Variants in RFNG observed in about 807,000 individuals in gnomAD.
RFNG encodes the protein RFNG O-fucosylpeptide 3-beta-N-acetylglucosaminyltransferase.
RFNG carries 37 observed loss-of-function variants against 29.6 expected under a neutral mutation model. The ratio of observed to expected loss-of-function variants is 1.25; its 90% CI spans 0.96 to 1.65. The LOEUF is 1.65. RFNG is among the 40% of genes most tolerant of loss of function. RFNG has a pLI of 0.00. For missense variants in RFNG, 546 were observed against 457.0 expected (o/e 1.19, Z -1.78); for synonymous variants, 276 against 197.3 (o/e 1.40, Z -3.34).
At position 82,051,273 on chromosome 17, in the gene RFNG, C is replaced by T. The variant is rs773311819; in HGVS notation, c.316+21G>A. The T allele has an allele frequency of 4.4e-6, 6 of 1,350,216 alleles. No individual in the cohort carries two copies. Among genetic ancestry groups the T allele is most frequent in the Non-Finnish European group, 4.8e-6 (5 of 1,047,764 alleles). 83.6% of individuals were successfully genotyped at this position (1,350,216 alleles called of 1,614,324 possible). A position where few individuals can be genotyped will look rare whatever the true frequency, so the allele number is the denominator to read the frequency against. Reference sequence around the variant, plus strand: ...CTCGGGGGGCAGATCCCGCGGGCGCCGGGGAGTGGGGGACACTCACCGCCC... The same window carrying T: ...CTCGGGGGGCAGATCCCGCGGGCGCTGGGGAGTGGGGGACACTCACCGCCC... On this transcript the variant is annotated intron_variant, in intron 2 of 7. Coordinates refer to ENST00000310496, the MANE Select transcript of RFNG (RefSeq NM_002917.2). This position sits in a 1 kb window ranked among gnomAD's most constrained non-coding sequence, Gnocchi z 4.1.
chr17:82,050,539 C>T lies in RFNG; in HGVS notation c.436G>A (p.Asp146Asn). 6.2e-7 allele frequency: 1 copy of T among 1,611,930 alleles called. No homozygotes were observed. The highest frequency in any genetic ancestry group is 8.5e-7 in the Non-Finnish European group (1 of 1,179,058). ...ESGRKWFCHVDDDNYVNARSL... is the reference protein window; with the variant it reads ...ESGRKWFCHVNDDNYVNARSL... ...CTGGCGTTCACATAATTGTCATCATCCACGTGGCAAAACCACCTGTGGGCG... is the reference window on the plus strand; with the variant it reads ...CTGGCGTTCACATAATTGTCATCATTCACGTGGCAAAACCACCTGTGGGCG... The change falls in exon 4 of 8, where the codon GAT becomes AAT. Residue 146 changes from aspartate to asparagine, a missense_variant. Transcript: ENST00000310496.
Position 82,050,718 on chromosome 17 carries a change from C to G in RFNG, c.363G>C (p.Gln121His). The G allele has an allele frequency of 6.2e-7, 1 of 1,613,276 alleles. No homozygotes were observed. The highest frequency in any genetic ancestry group is 8.5e-7 in the Non-Finnish European group (1 of 1,179,974). The change falls in exon 3 of 8, where the codon CAG becomes CAC. Residue 121 changes from glutamine (Q) to histidine (H), a missense_variant. By Grantham distance (24) the Gln-to-His change is conservative (BLOSUM62 0). Coordinates refer to ENST00000310496, the MANE Select transcript of RFNG (RefSeq NM_002917.2). The stretch of plus-strand genomic sequence containing the variant: ...CCACGGACATCTTGCAGCAGAGGGC[C>G]TGACGAGTGCGCACCGCCGAGCAGT... Reference protein sequence around the residue: ...NTNCSAVRTRQALCCKMSVEY... With the variant: ...NTNCSAVRTRHALCCKMSVEY...
In RFNG at chr17:82,050,386, C is replaced by T. The variant is rs1018750169; in HGVS notation, c.573+16G>A. The stretch of plus-strand genomic sequence containing the variant: ...AGGAAGGCGTCTGCTCCGATGGCGT[C>T]TGCTCCGACACTCACAGTTCTGCCA... On this transcript the variant is annotated intron_variant, in intron 4 of 7. Transcript: ENST00000310496. 2 of 1,554,910 alleles carry T rather than the reference C, an allele frequency of 1.3e-6. No individual in the cohort carries two copies. The highest frequency in any genetic ancestry group is 1.4e-5 in the African/African-American group (1 of 72,346).
rs2030543754 is a variant in RFNG, at chr17:82,051,367, C to T, written c.268-25G>A. 6.9e-7 allele frequency: 1 copy of T among 1,458,198 alleles called. No individual in the cohort carries two copies. Among genetic ancestry groups the T allele is most frequent in the Non-Finnish European group, 9.0e-7 (1 of 1,114,228 alleles). The allele number at this position is 1,458,198 out of a possible 1,614,324, so 90.3% of individuals were successfully genotyped here. A position where few individuals can be genotyped will look rare whatever the true frequency, so the allele number is the denominator to read the frequency against. ...TCTGGGGGAGAAACAATCTATGAGGCTTCTGGGGCGCTGCCCAGGCCGGAG... is the reference window on the plus strand; with the variant it reads ...TCTGGGGGAGAAACAATCTATGAGGTTTCTGGGGCGCTGCCCAGGCCGGAG... On this transcript the variant is annotated intron_variant, in intron 1 of 7. Transcript: ENST00000310496. This position sits in a 1 kb window ranked among gnomAD's most constrained non-coding sequence, Gnocchi z 4.1.
chr17:82,048,646 G>T lies in RFNG; in HGVS notation c.*80C>A. 1 of 1,137,108 alleles carries T rather than the reference G, an allele frequency of 8.8e-7. No homozygotes were observed. 70.4% of individuals were successfully genotyped at this position (1,137,108 alleles called of 1,614,324 possible). The stretch of plus-strand genomic sequence containing the variant: ...ACTGGTGTGGCCGTGGCACCTGAGG[G>T]AGCCCACTGAGCCCATAGGGGGCTC... On this transcript the variant is annotated 3_prime_UTR_variant, in exon 8 of 8. Transcript: ENST00000310496.
At position 82,049,944 on chromosome 17, in the gene RFNG, A is replaced by G. The variant is rs2030191361; in HGVS notation, c.636T>C (p.Leu212=). 1.2e-6 allele frequency: 2 copies of G among 1,612,498 alleles called. No homozygotes were observed. The highest frequency in any genetic ancestry group is 2.7e-5 in the African/African-American group (2 of 74,932). The change falls in exon 5 of 8, where the codon CTT becomes CTC. Residue 212 remains leucine, a synonymous_variant. Coordinates refer to ENST00000310496, the MANE Select transcript of RFNG (RefSeq NM_002917.2). ...GGAGFCLSRG[L]ALKMSPWASL... ...TGGCCCATGGGCTCATCTTGAGGGC[A>G]AGGCCTCTGCTGAGGCAGAACCCGG... is the stretch of plus-strand genomic sequence containing the variant.
intron 2 of RFNG, 33 bp from the exon 3 acceptor site, chr17:82,050,797 A>G: frequency 6.2e-7 from 1 of 1,602,998 alleles, no homozygotes; most frequent in Non-Finnish European, 8.5e-7. Context: ...ACGCACGTAG[A>G]GGATGGCACT....
In RFNG at chr17:82,051,507, C is replaced by T; in HGVS notation, c.260G>A (p.Arg87His). The stretch of plus-strand genomic sequence containing the variant: ...GGTCGGGGTCCGGCGCACCTGCTGG[C>T]GGGCCCGGGAGATCCAGGTGCGCAG... The part of the protein sequence containing the change: ...LLLRTWISRA[R>H]QQTFIFTDGD... The change falls in exon 1 of 8, where the codon CGC (arginine) becomes CAC (histidine). Residue 87 changes from arginine (R) to histidine (H), a missense_variant. Transcript: ENST00000310496. The surrounding 1 kb of genome is among the most constrained non-coding windows in gnomAD (Gnocchi z 4.1). 1.4e-6 allele frequency: 2 copies of T among 1,383,638 alleles called. No homozygotes were observed. Among genetic ancestry groups the T allele is most frequent in the Non-Finnish European group, 1.9e-6 (2 of 1,065,028 alleles). 85.7% of individuals were successfully genotyped at this position (1,383,638 alleles called of 1,614,324 possible). A position where few individuals can be genotyped will look rare whatever the true frequency, so the allele number is the denominator to read the frequency against.
chr17:82,051,204 GCA>G lies in RFNG; in HGVS notation c.316+88_316+89del. Reference sequence around the variant, plus strand: ...GCCTCGGGAGCCTGGGCAGAGAAAGGCACCCACAGCAGCGAAGGGGCCGTGGC... The same window carrying G: ...GCCTCGGGAGCCTGGGCAGAGAAAGGCCCACAGCAGCGAAGGGGCCGTGGC... On this transcript the variant is annotated intron_variant, in intron 2 of 7. Coordinates refer to ENST00000310496, the MANE Select transcript of RFNG (RefSeq NM_002917.2). This position sits in a 1 kb window ranked among gnomAD's most constrained non-coding sequence, Gnocchi z 4.1. 7.7e-7 allele frequency: 1 copy of G among 1,305,484 alleles called. No homozygotes were observed. The highest frequency in any genetic ancestry group is 9.8e-7 in the Non-Finnish European group (1 of 1,023,376). 80.9% of individuals were successfully genotyped at this position (1,305,484 alleles called of 1,614,324 possible).
chr17:82,048,796 A>G lies in RFNG; in HGVS notation c.926T>C (p.Ile309Thr). 1 of 1,612,972 alleles carries G rather than the reference A, an allele frequency of 6.2e-7. No individual in the cohort carries two copies. Among genetic ancestry groups the G allele is most frequent in the African/African-American group, 1.3e-5 (1 of 74,952 alleles). ...CGTGTCTGGGTACAGAAGACAATGG[A>G]TAGACTTAAACCTGGGGAAGGAAGA... Reference protein sequence around the residue: ...LHQDPTRFKSIHCLLYPDTDW... With the variant: ...LHQDPTRFKSTHCLLYPDTDW... Residue 309 changes from isoleucine to threonine, a missense_variant, in exon 8 of 8, where the codon ATC becomes ACC. By Grantham distance (89) the Ile-to-Thr change is moderately conservative. Coordinates refer to ENST00000310496, the MANE Select transcript of RFNG (RefSeq NM_002917.2).
rs1460176868 is a variant in RFNG at position 82,048,757 on chromosome 17, C to T, written c.965G>A (p.Arg322Lys). The T allele has an allele frequency of 6.2e-6, 10 of 1,613,158 alleles. No individual in the cohort carries two copies. Among genetic ancestry groups the T allele is most frequent in the Admixed American group, 1.7e-5 (1 of 59,994 alleles). The stretch of plus-strand genomic sequence containing the variant: ...AGAGGTCGGGGCGCCCTGTTTCTGC[C>T]TGGGACACCAGTCCGTGTCTGGGTA... Reference protein sequence around the residue: ...LLYPDTDWCPRQKQGAPTSR With the variant: ...LLYPDTDWCPKQKQGAPTSR Residue 322 changes from arginine to lysine, a missense_variant, in exon 8 of 8, where the codon AGG becomes AAG. Coordinates refer to ENST00000310496, the MANE Select transcript of RFNG (RefSeq NM_002917.2).
At chr17:82,049,256 A>G (rs2030110274) in intron 6 of RFNG, 140 bp from the exon 7 acceptor site, 2 of 740,854 alleles carry the variant, frequency 2.7e-6, no homozygotes, top group East Asian at 5.4e-5. Flanking sequence ...TGGAAACAGC[A>G]TTGAAGCATG....
chr17:82,050,845 G>A (rs1344358097), intron 2 of RFNG, 81 bp from the exon 3 acceptor site: 1 of 1,497,956 alleles, frequency 6.7e-7, no homozygotes, highest in Non-Finnish European at 9.1e-7. Flanking sequence ...CTGCCCCCAA[G>A]GGCCAGGGCA....
In RFNG at chr17:82,050,717, C is replaced by CCTGACGAGTGCGCA; in HGVS notation, c.350_363dup (p.Ala122CysfsTer35). 4.3e-6 allele frequency: 7 copies of CCTGACGAGTGCGCA among 1,613,262 alleles called. No homozygotes were observed. Among genetic ancestry groups the CCTGACGAGTGCGCA allele is most frequent in the Non-Finnish European group, 5.9e-6 (7 of 1,179,972 alleles). The stretch of plus-strand genomic sequence containing the variant: ...TCCACGGACATCTTGCAGCAGAGGG[C>CCTGACGAGTGCGCA]CTGACGAGTGCGCACCGCCGAGCAG... On this transcript the variant is annotated frameshift_variant, in exon 3 of 8. Transcript: ENST00000310496. LOFTEE classifies it high-confidence loss of function.
Position 82,048,577 on chromosome 17 carries a change from G to C in RFNG, c.*149C>G, listed in dbSNP as rs2030066644. The C allele has an allele frequency of 1.5e-6, 1 of 664,258 alleles. No homozygotes were observed. The highest frequency in any genetic ancestry group is 1.7e-5 in the South Asian group (1 of 59,900). The allele number at this position is 664,258 out of a possible 1,614,324, so 41.1% of individuals were successfully genotyped here. A position where few individuals can be genotyped will look rare whatever the true frequency, so the allele number is the denominator to read the frequency against. On this transcript the variant is annotated 3_prime_UTR_variant, in exon 8 of 8. Transcript: ENST00000310496. ...CAGCCCACCAGGGGCTGGGAGAGGG[G>C]GGGCTGCAGGCTAGCCAGAGGGTCT... is the stretch of plus-strand genomic sequence containing the variant.
chr17:82,051,806 G>T lies in RFNG; in HGVS notation c.-40C>A, dbSNP rs2144264774. The T allele has an allele frequency of 1.8e-6, 2 of 1,132,304 alleles. No homozygotes were observed. The highest frequency in any genetic ancestry group is 3.3e-5 in the African/African-American group (2 of 60,532). 70.1% of individuals were successfully genotyped at this position (1,132,304 alleles called of 1,614,324 possible). The stretch of plus-strand genomic sequence containing the variant: ...CCCCGGCGCTGCGAGCGGAGAACCT[G>T]GCCGGAGCCGTGGGTGGGCGGCGGC... On this transcript the variant is annotated 5_prime_UTR_variant, in exon 1 of 8. Transcript: ENST00000310496. This position sits in a 1 kb window ranked among gnomAD's most constrained non-coding sequence, Gnocchi z 4.1.
rs766217663 is a variant in RFNG at position 82,050,602 on chromosome 17, C to A, written c.420-47G>T. The A allele has an allele frequency of 6.2e-6, 10 of 1,607,890 alleles. No homozygotes were observed. In the South Asian group the frequency reaches 1.1e-4, roughly 18 times the overall value. ...GGCACGAGGGCCTGGCATGGCTGGA[C>A]AGGAGGCCCCCACCCAGCTTGGCTC... is the stretch of plus-strand genomic sequence containing the variant. On this transcript the variant is annotated intron_variant, in intron 3 of 7. Transcript: ENST00000310496.
chr17:82,049,217 T>A (rs2144193634), intron 6 of RFNG, 101 bp from the exon 7 acceptor site: 1 of 919,418 alleles, frequency 1.1e-6, no homozygotes, highest in Non-Finnish European at 1.8e-6. Context: ...GCCCACCCCC[T>A]CTCCCCAGGC....
Position 82,050,735 on chromosome 17 carries a change from C to A in RFNG, c.346G>T (p.Ala116Ser), listed in dbSNP as rs542353354. The change falls in exon 3 of 8, where the codon GCG (alanine) becomes TCG (serine). Residue 116 changes from alanine (A) to serine (S), a missense_variant. Coordinates refer to ENST00000310496, the MANE Select transcript of RFNG (RefSeq NM_002917.2). Reference protein sequence around the residue: ...GDRVINTNCSAVRTRQALCCK... With the variant: ...GDRVINTNCSSVRTRQALCCK... ...CAGAGGGCCTGACGAGTGCGCACCG[C>A]CGAGCAGTTGGTGTTGATGACACGG... is the stretch of plus-strand genomic sequence containing the variant. 6.2e-7 allele frequency: 1 copy of A among 1,613,166 alleles called. No individual in the cohort carries two copies. The highest frequency in any genetic ancestry group is 1.7e-5 in the Admixed American group (1 of 60,018).
Sources: gnomAD v4.1 joint callset for allele counts on GRCh38, gnomAD v4.1.1 for gene constraint, Gnocchi (gnomAD v3.1) non-coding constraint, MANE v1.5 for transcripts, NCBI Gene and HGNC (gene_info 2026-07-23, HGNC 2026-07-21) for gene names.